JARID2: variants seen among roughly 807,000 people sequenced by gnomAD.
JARID2 encodes the protein jumonji and AT-rich interaction domain containing 2, also known as protein Jumonji.
In JARID2, 21 loss-of-function variants were observed where a neutral mutation model predicts 125.6. That is an observed-to-expected ratio of 0.17 (90% CI 0.12 to 0.24). The LOEUF is 0.24. Ranked by LOEUF, JARID2 falls within the 10% of genes least tolerant of loss-of-function variation. The pLI is 1.00. For missense variants in JARID2, 1,303 were observed against 1,639.6 expected (o/e 0.79, Z 3.55); for synonymous variants, 736 against 661.6 (o/e 1.11, Z -1.73).
At chr6:15,313,146 T>A (rs1157513286) in intron 1 of JARID2, among the ~76,000 whole-genome samples, 2 of 152,174 alleles carry the variant, frequency 1.3e-5, no homozygotes, top group African/African-American at 4.8e-5. Context: ...ATTACACCTG[T>A]CCTCTGCTTC....
intron 1 of JARID2, among the ~76,000 whole-genome samples, chr6:15,279,055 C>A (rs1760651918): frequency 6.7e-6 from 1 of 150,058 alleles, no homozygotes; most frequent in South Asian, 2.1e-4. Context: ...CGCACCACTG[C>A]ACTTCAGCCT....
chr6:15,513,360 C>T lies in JARID2; in HGVS notation c.3388C>T (p.Leu1130=), dbSNP rs1381896836. The change falls in exon 16 of 18, where the codon CTG becomes TTG. Residue 1130 remains leucine, a synonymous_variant. Coordinates refer to ENST00000341776, the MANE Select transcript of JARID2 (RefSeq NM_004973.4). ...ADGKKKPRKW[L]QLETSERRCQ... ...CGGGAAGAAAAAGCCTCGAAAGTGG[C>T]TGCAGTTGGAGACGTCAGAGAGGAG... 1 of 1,613,396 alleles carries T rather than the reference C, an allele frequency of 6.2e-7. No homozygotes were observed. Among genetic ancestry groups the T allele is most frequent in the Non-Finnish European group, 8.5e-7 (1 of 1,179,854 alleles).
At chr6:15,281,366 C>T (rs1239157456) in intron 1 of JARID2, among the ~76,000 whole-genome samples, 4 of 152,220 alleles carry the variant, frequency 2.6e-5, no homozygotes, top group Non-Finnish European at 4.4e-5. Flanking sequence ...AGCAAAAGAA[C>T]GTGAATACAT....
chr6:15,272,209 T>C (rs1760324974), intron 1 of JARID2, among the ~76,000 whole-genome samples: 1 of 152,254 alleles, frequency 6.6e-6, no homozygotes, highest in African/African-American at 2.4e-5. Context: ...AAAATGCATC[T>C]TTTGGCCCCG....
At chr6:15,442,774 A>G (rs1293495681) in intron 3 of JARID2, among the ~76,000 whole-genome samples, 1 of 152,224 alleles carries the variant, frequency 6.6e-6, no homozygotes, top group Non-Finnish European at 1.5e-5. Context: ...ACACAAAAGA[A>G]GTCAATGTCA....
Position 15,501,162 on chromosome 6 carries a change from A to C in JARID2, c.2201A>C (p.Lys734Thr). ...LMEKEILEKR[K>T]GPLEGHTEND... ...GAGAAGGAGATCCTGGAGAAGCGCAAGGGGCCGCTGGAAGGCCACACAGAG... is the reference window on the plus strand; with the variant it reads ...GAGAAGGAGATCCTGGAGAAGCGCACGGGGCCGCTGGAAGGCCACACAGAG... The change falls in exon 8 of 18, where the codon AAG becomes ACG. Residue 734 changes from lysine (K) to threonine (T), a missense_variant. Lys to Thr is a moderately conservative substitution (Grantham distance 78). Transcript: ENST00000341776. 6.2e-7 allele frequency: 1 copy of C among 1,614,124 alleles called. No homozygotes were observed. Among genetic ancestry groups the C allele is most frequent in the South Asian group, 1.1e-5 (1 of 91,090 alleles).
In JARID2 at chr6:15,501,201, A is replaced by G; in HGVS notation, c.2240A>G (p.Lys747Arg). Residue 747 changes from lysine (K) to arginine (R), a missense_variant, in exon 8 of 18, where the codon AAG becomes AGG. This residue lies in a region of JARID2 where 124 missense variants were observed against 131.0 expected (regional missense o/e 0.95). Transcript: ENST00000341776. Reference protein sequence around the residue: ...LEGHTENDHHKFHPLPRFEPK... With the variant: ...LEGHTENDHHRFHPLPRFEPK... ...GGCCACACAGAGAACGACCACCACA[A>G]GTTCCACCCTCTGCCCCGCTTCGAG... 6.2e-7 allele frequency: 1 copy of G among 1,614,044 alleles called. No homozygotes were observed. The highest frequency in any genetic ancestry group is 8.5e-7 in the Non-Finnish European group (1 of 1,179,956).
rs1766727646 is a variant in JARID2, at chr6:15,426,387, A to G, written c.323+16022A>G. ...ACCAAGATGGTGAGCTGGAGGCAAGATGGTTAGTTGATATTCAAAAGGACG... is the reference window on the plus strand; with the variant it reads ...ACCAAGATGGTGAGCTGGAGGCAAGGTGGTTAGTTGATATTCAAAAGGACG... On this transcript the variant is annotated intron_variant, in intron 3 of 17. Coordinates refer to ENST00000341776, the MANE Select transcript of JARID2 (RefSeq NM_004973.4). 2.6e-5 allele frequency among the ~76,000 whole-genome samples: 4 copies of G among 152,166 alleles called. No homozygotes were observed. In the South Asian group the frequency reaches 8.3e-4, roughly 32 times the overall value.
At chr6:15,282,690 C>A (rs1409234245) in intron 1 of JARID2, among the ~76,000 whole-genome samples, 2 of 152,098 alleles carry the variant, frequency 1.3e-5, no homozygotes, top group South Asian at 4.2e-4. Context: ...CCGCAACCTC[C>A]ACCTCCTGGG....
chr6:15,356,741 GCAGTGGCTTATGCCTGTAATCC>G (rs1561811177), intron 1 of JARID2, among the ~76,000 whole-genome samples: 1 of 152,122 alleles, frequency 6.6e-6, no homozygotes, highest in African/African-American at 2.4e-5. Flanking sequence ...TGGGCTGGGC[GCAGTGGCTTATGCCTGTAATCC>G]CAGTGTTCTG....
At chr6:15,376,702 C>A (rs1206078972) in intron 2 of JARID2, among the ~76,000 whole-genome samples, 2 of 152,180 alleles carry the variant, frequency 1.3e-5, no homozygotes, top group African/African-American at 4.8e-5. Context: ...CCAGCTTGGG[C>A]AACAGAGCGA....
intron 3 of JARID2, among the ~76,000 whole-genome samples, chr6:15,429,694 TAAA>T (rs1251837988): frequency 2.0e-5 from 3 of 152,320 alleles, no homozygotes; most frequent in South Asian, 4.1e-4. Flanking sequence ...GTGTCTGAAG[TAAA>T]AACCCATTGG....
chr6:15,433,882 T>A (rs904984059), intron 3 of JARID2, among the ~76,000 whole-genome samples: 1 of 151,542 alleles, frequency 6.6e-6, no homozygotes, highest in Non-Finnish European at 1.5e-5. Context: ...TAAATTCTTT[T>A]AGGCCCTAAG....
chr6:15,423,069 G>T (rs1042103152), intron 3 of JARID2, among the ~76,000 whole-genome samples: 1 of 150,478 alleles, frequency 6.6e-6, no homozygotes, highest in Non-Finnish European at 1.5e-5. Context: ...TTACGATATC[G>T]GCACACTGTA....
chr6:15,487,551 C>G lies in JARID2; in HGVS notation c.906+9C>G, dbSNP rs2076056. 0.24 allele frequency: 388,812 copies of G among 1,587,372 alleles called. 48,987 individuals carry two copies. Among genetic ancestry groups the G allele is most frequent in the Middle Eastern group, 0.35 (2,054 of 5,946 alleles). ...AGGACTTACGGAAACAGGTAAAGTC[C>G]AGCAGGGGTGCCTACATGTGTGCCA... On this transcript the variant is annotated intron_variant, in intron 6 of 17. Coordinates refer to ENST00000341776, the MANE Select transcript of JARID2 (RefSeq NM_004973.4).
intron 1 of JARID2, among the ~76,000 whole-genome samples, chr6:15,362,508 G>A (rs1364656963): frequency 6.6e-6 from 1 of 152,200 alleles, no homozygotes; most frequent in Non-Finnish European, 1.5e-5. Context: ...TGGACACGGG[G>A]TCTGACGATG....
At chr6:15,323,848 C>G (rs1240056468) in intron 1 of JARID2, among the ~76,000 whole-genome samples, 1 of 151,510 alleles carries the variant, frequency 6.6e-6, no homozygotes. Flanking sequence ...GCTGATCGCG[C>G]CACTGTACTC....
chr6:15,285,301 T>C (rs1470365985), intron 1 of JARID2, among the ~76,000 whole-genome samples: 2 of 151,824 alleles, frequency 1.3e-5, no homozygotes, highest in African/African-American at 4.8e-5. Context: ...TGTTTGTTTG[T>C]TTTAGTAGAG....
chr6:15,260,911 A>G (rs1008509305), intron 1 of JARID2, among the ~76,000 whole-genome samples: 16 of 152,200 alleles, frequency 1.1e-4, no homozygotes, highest in Non-Finnish European at 2.4e-4. Flanking sequence ...CCAGGATGAA[A>G]CACACTTTCT....
Sources: gnomAD v4.1 joint callset for allele counts (sites outside exome capture counted in the v4.1 genomes callset) on GRCh38, gnomAD v4.1.1 for gene constraint, gnomAD v4.1.1 regional missense constraint, MANE v1.5 for transcripts, NCBI Gene and HGNC (gene_info 2026-07-23, HGNC 2026-07-21) for gene names.